BCR: variants seen among roughly 807,000 people sequenced by gnomAD.
BCR encodes the protein BCR activator of RhoGEF and GTPase.
Under a neutral mutation model 138.6 loss-of-function variants are expected in BCR, and 58 were observed. The observed-to-expected ratio is 0.42, with a 90% CI of 0.34 to 0.52. The LOEUF is 0.52. Among genes scored for constraint, BCR ranks in the 20% least tolerant of loss-of-function variants. BCR has a pLI of 0.06. For missense variants in BCR, 1,599 were observed against 1,727.2 expected, an observed-to-expected ratio of 0.93 and a Z score of 1.32; for synonymous variants, 786 against 730.1, an observed-to-expected ratio of 1.08 and a Z score of -1.23.
chr22:23,287,030 T>C, intron 10 of BCR, 129 bp from the exon 11 acceptor site: 3 of 1,493,106 alleles, frequency 2.0e-6, no homozygotes, highest in Non-Finnish European at 2.7e-6. Context: ...CCCTGGTCTG[T>C]GCTGAGTGGA....
intron 20 of BCR, 144 bp downstream of exon 20, chr22:23,313,165 G>A: frequency 1.9e-6 from 2 of 1,076,172 alleles, no homozygotes; most frequent in African/African-American, 3.1e-5. Flanking sequence ...TCAAAAAGCA[G>A]GGGACCAGAA....
intron 10 of BCR, 21 bp downstream of exon 10, chr22:23,285,222 G>A (rs1442440750): frequency 1.1e-5 from 17 of 1,600,570 alleles, no homozygotes; most frequent in Admixed American, 1.7e-5. Flanking sequence ...GGGGAGCAAG[G>A]GCCGGGTTTG....
chr22:23,292,700 G>A, intron 15 of BCR, 62 bp downstream of exon 15: 1 of 1,438,692 alleles, frequency 7.0e-7, no homozygotes, highest in Non-Finnish European at 9.7e-7. Flanking sequence ...TTTTCCACTG[G>A]AGATAATCTA....
chr22:23,263,027 G>A, intron 4 of BCR: 1 of 788,050 alleles, frequency 1.3e-6, no homozygotes, highest in South Asian at 2.2e-5. Context: ...GAAAGTATGG[G>A]AAGGAGGAAT....
In BCR at chr22:23,310,016, C is replaced by T. The variant is rs558880206; in HGVS notation, c.3073-308C>T. On this transcript the variant is annotated intron_variant, in intron 17 of 22. Coordinates refer to ENST00000305877, the MANE Select transcript of BCR (RefSeq NM_004327.4). Reference sequence around the variant, plus strand: ...TCTGAGGCAGGAGAATCACTGGAACCCAAGAGTTCGATTACAGCCTGGGCA... The same window carrying T: ...TCTGAGGCAGGAGAATCACTGGAACTCAAGAGTTCGATTACAGCCTGGGCA... 1.1e-4 allele frequency: 46 copies of T among 417,418 alleles called. No homozygotes were observed. The East Asian group carries it at 1.3e-3, about 11-fold the overall frequency. The allele number at this position is 417,418 out of a possible 1,614,324, so 25.9% of individuals were successfully genotyped here. A position where few individuals can be genotyped will look rare whatever the true frequency, so the allele number is the denominator to read the frequency against.
At chr22:23,248,532 G>A (rs953958455) in intron 1 of BCR, among the ~76,000 whole-genome samples, 19 of 151,942 alleles carry the variant, frequency 1.3e-4, no homozygotes, top group African/African-American at 3.1e-4. Flanking sequence ...TATTCTTTTC[G>A]CTATATTATT....
At chr22:23,266,432 C>T (rs964330326) in intron 4 of BCR, among the ~76,000 whole-genome samples, 3 of 151,990 alleles carry the variant, frequency 2.0e-5, no homozygotes, top group Admixed American at 6.6e-5. Context: ...CTCTGTCACC[C>T]AGGCTGGAGT....
intron 1 of BCR, among the ~76,000 whole-genome samples, chr22:23,187,842 C>G (rs745758537): frequency 6.6e-6 from 1 of 152,336 alleles, no homozygotes; most frequent in Non-Finnish European, 1.5e-5. Context: ...TGTCAACTTT[C>G]TTCCAGGTGT....
chr22:23,254,170 G>T (rs1401187289), intron 2 of BCR, among the ~76,000 whole-genome samples, 190 bp downstream of exon 2: 1 of 152,138 alleles, frequency 6.6e-6, no homozygotes, highest in Non-Finnish European at 1.5e-5. Context: ...GTTGATCAGG[G>T]AGATCGGGGG....
At chr22:23,287,076 G>T in intron 10 of BCR, 83 bp from the exon 11 acceptor site, 1 of 1,546,934 alleles carries the variant, frequency 6.5e-7, no homozygotes, top group Non-Finnish European at 8.7e-7. Flanking sequence ...GCTGAATGCA[G>T]CTGGTGGTGG....
chr22:23,308,681 G>A lies in BCR; in HGVS notation c.3013-743G>A, dbSNP rs371130099. On this transcript the variant is annotated intron_variant, in intron 16 of 22. Coordinates refer to ENST00000305877, the MANE Select transcript of BCR (RefSeq NM_004327.4). ...AGTGATCTTGGCATACCCAGGAACC[G>A]CTGACATAGAACGTGCTCCCCATAA... Among the ~76,000 whole-genome samples the A allele has an allele frequency of 1.5e-4, 23 of 152,290 alleles. 1 individual carries two copies. Among genetic ancestry groups the A allele is most frequent in the African/African-American group, 4.8e-4 (20 of 41,564 alleles).
intron 4 of BCR, chr22:23,263,832 T>C: frequency 1.8e-6 from 2 of 1,110,880 alleles, no homozygotes; most frequent in Non-Finnish European, 2.8e-6. Context: ...GGGGTAGTGT[T>C]TATACACCAT....
At chr22:23,186,314 A>T (rs2072341772) in intron 1 of BCR, among the ~76,000 whole-genome samples, 1 of 152,212 alleles carries the variant, frequency 6.6e-6, no homozygotes, top group Admixed American at 6.5e-5. Context: ...CCATTTTTGT[A>T]ACTTTTAAAA....
At chr22:23,195,673 G>A (rs2072470975) in intron 1 of BCR, among the ~76,000 whole-genome samples, 1 of 152,060 alleles carries the variant, frequency 6.6e-6, no homozygotes, top group South Asian at 2.1e-4. Context: ...GATCACCTAA[G>A]GTCAGGAGTT....
At chr22:23,297,109 C>G (rs549085603) in intron 16 of BCR, among the ~76,000 whole-genome samples, 1 of 152,222 alleles carries the variant, frequency 6.6e-6, no homozygotes, top group Non-Finnish European at 1.5e-5. Context: ...AGGATCATAG[C>G]TCACTGCAAC....
intron 1 of BCR, among the ~76,000 whole-genome samples, chr22:23,182,712 T>C (rs942849191): frequency 8.5e-5 from 13 of 152,228 alleles, no homozygotes; most frequent in African/African-American, 3.1e-4. Context: ...GGAGGGGTTA[T>C]ATGACACGTT....
chr22:23,263,099 T>G, intron 4 of BCR: 1 of 693,018 alleles, frequency 1.4e-6, no homozygotes. Context: ...GACAAGGAGG[T>G]CAGGTTTGGG....
rs751211411 is a variant in BCR at position 23,287,209 on chromosome 22, G to T, written c.2457G>T (p.Ser819=). 1 of 1,567,956 alleles carries T rather than the reference G, an allele frequency of 6.4e-7. No homozygotes were observed. The highest frequency in any genetic ancestry group is 1.9e-5 in the Admixed American group (1 of 53,242). Residue 819 remains serine (S), a synonymous_variant, in exon 11 of 23, where the codon TCG becomes TCT. Transcript: ENST00000305877. The part of the protein sequence containing the change: ...KATERLKKKL[S]EQESLLLLMS... ...CGGAGAGGCTGAAGAAGAAGCTGTC[G>T]GAGCAGGAGTCACTGCTGCTGCTTA...
At position 23,181,255 on chromosome 22, in the gene BCR, C is replaced by T. The variant is rs2072251969; in HGVS notation, c.295C>T (p.Pro99Ser). Residue 99 changes from proline to serine, a missense_variant, in exon 1 of 23, where the codon CCA (proline) becomes TCA (serine). Coordinates refer to ENST00000305877, the MANE Select transcript of BCR (RefSeq NM_004327.4). The part of the protein sequence containing the change: ...EPRASASRPQ[P>S]APADGADPPP... ...CCGAGCGTCCGCGTCGCGCCCGCAGCCAGCGCCCGCCGACGGAGCCGACCC... is the reference window on the plus strand; with the variant it reads ...CCGAGCGTCCGCGTCGCGCCCGCAGTCAGCGCCCGCCGACGGAGCCGACCC... The T allele has an allele frequency of 8.0e-6, 10 of 1,246,896 alleles. No individual in the cohort carries two copies. Among genetic ancestry groups the T allele is most frequent in the East Asian group, 3.4e-5 (1 of 28,988 alleles). 77.2% of individuals were successfully genotyped at this position (1,246,896 alleles called of 1,614,324 possible).
Sources: allele counts gnomAD v4.1 joint callset (sites outside exome capture counted in the v4.1 genomes callset), GRCh38; gene constraint gnomAD v4.1.1; transcripts MANE v1.5; gene names NCBI Gene and HGNC (gene_info 2026-07-23, HGNC 2026-07-21).